GPC6: variants seen among roughly 807,000 people sequenced by gnomAD.
The protein encoded by GPC6 is glypican 6.
A neutral mutation model predicts 55.2 loss-of-function variants in GPC6; 14 were observed. The observed-to-expected ratio is 0.25, with a 90% confidence interval of 0.17 to 0.40. GPC6 has a LOEUF of 0.40. GPC6 is among the 10% of genes least tolerant of loss of function. The pLI is 1.00. For missense variants in GPC6, 641 were observed against 708.5 expected, an observed-to-expected ratio of 0.90 and a Z score of 1.08; for synonymous variants, 278 against 259.6, an observed-to-expected ratio of 1.07 and a Z score of -0.68.
intron 2 of GPC6, among the ~76,000 whole-genome samples, chr13:93,765,306 C>A (rs1885090508): frequency 6.8e-6 from 1 of 147,430 alleles, no homozygotes; most frequent in African/African-American, 2.5e-5. Context: ...GGAAAGACAA[C>A]TTATTTGGTT....
chr13:93,370,113 A>G (rs1255301390), intron 1 of GPC6, among the ~76,000 whole-genome samples: 1 of 152,238 alleles, frequency 6.6e-6, no homozygotes, highest in East Asian at 1.9e-4. Flanking sequence ...GACCGAGTAC[A>G]ATGCTGCATT....
chr13:93,877,752 A>C (rs1277073219), intron 3 of GPC6, among the ~76,000 whole-genome samples: 1 of 152,114 alleles, frequency 6.6e-6, no homozygotes, highest in Non-Finnish European at 1.5e-5. Context: ...CTTTGTTAGA[A>C]GAGTTGTAAA....
chr13:93,536,013 G>C (rs1438894269), intron 1 of GPC6, among the ~76,000 whole-genome samples: 1 of 152,102 alleles, frequency 6.6e-6, no homozygotes, highest in African/African-American at 2.4e-5. Flanking sequence ...GGCTGACACA[G>C]TGATCTTCCA....
At chr13:94,195,988 G>C (rs1024955993) in intron 4 of GPC6, among the ~76,000 whole-genome samples, 2 of 152,230 alleles carry the variant, frequency 1.3e-5, no homozygotes, top group African/African-American at 2.4e-5. Flanking sequence ...TTTGCTCAGT[G>C]TGCTGGGAGC....
chr13:93,676,156 TATATATATATATACATACAC>T (rs1426817036), intron 2 of GPC6, among the ~76,000 whole-genome samples: 1,192 of 16,840 alleles, frequency 0.071, 53 homozygotes, highest in Middle Eastern at 0.25. Context: ...TATATATATA[TATATATATATATACATACAC>T]ACACACACAC....
intron 4 of GPC6, among the ~76,000 whole-genome samples, chr13:94,124,341 G>A (rs1467628944): frequency 6.6e-6 from 1 of 151,988 alleles, no homozygotes; most frequent in Admixed American, 6.6e-5. Flanking sequence ...TTCAACAAAT[G>A]TTTCCAAAAA....
chr13:93,336,459 A>G (rs891509954), intron 1 of GPC6, among the ~76,000 whole-genome samples: 2 of 152,154 alleles, frequency 1.3e-5, no homozygotes, highest in Admixed American at 1.3e-4. Context: ...TAATTAAAAG[A>G]AGTGATTATT....
At chr13:94,099,825 G>A (rs1885793107) in intron 4 of GPC6, among the ~76,000 whole-genome samples, 1 of 152,174 alleles carries the variant, frequency 6.6e-6, no homozygotes, top group South Asian at 2.1e-4. Context: ...TATGTTTAAT[G>A]TTGGCAAGAA....
intron 4 of GPC6, among the ~76,000 whole-genome samples, chr13:94,070,494 T>C (rs574683158): frequency 6.6e-6 from 1 of 152,324 alleles, no homozygotes; most frequent in Non-Finnish European, 1.5e-5. Context: ...ATTAAAATAT[T>C]GATTGTAATT....
chr13:93,412,447 G>A (rs1460069492), intron 1 of GPC6, among the ~76,000 whole-genome samples: 2 of 152,142 alleles, frequency 1.3e-5, no homozygotes, highest in Non-Finnish European at 2.9e-5. Flanking sequence ...CCTGAGGTCA[G>A]GGGTTCGAGA....
intron 1 of GPC6, among the ~76,000 whole-genome samples, chr13:93,390,127 G>A (rs186234538): frequency 2.4e-4 from 37 of 152,020 alleles, no homozygotes; most frequent in African/African-American, 6.7e-4. Flanking sequence ...AAAATAGACC[G>A]AATTTGCTTA....
At chr13:94,050,425 G>A (rs954287815) in intron 4 of GPC6, among the ~76,000 whole-genome samples, 4 of 152,074 alleles carry the variant, frequency 2.6e-5, no homozygotes, top group African/African-American at 9.7e-5. Context: ...ACTAATAGTA[G>A]CAGTACTGTC....
At chr13:93,305,918 AG>A (rs1566290067) in intron 1 of GPC6, among the ~76,000 whole-genome samples, 3 of 152,228 alleles carry the variant, frequency 2.0e-5, no homozygotes, top group African/African-American at 7.2e-5. Context: ...GAACTATATT[AG>A]AAAATAAAAT....
intron 1 of GPC6, among the ~76,000 whole-genome samples, chr13:93,287,344 T>A (rs1395269842): frequency 6.6e-6 from 1 of 152,140 alleles, no homozygotes; most frequent in South Asian, 2.1e-4. Flanking sequence ...GCCAATGACA[T>A]AGAGGCAGGG....
chr13:93,882,791 C>T (rs1854731), intron 3 of GPC6, among the ~76,000 whole-genome samples: 89,866 of 151,438 alleles, frequency 0.59, 27,342 homozygotes, highest in East Asian at 0.8. Flanking sequence ...TTTGGCTAAA[C>T]TGGCATGTAA....
At chr13:93,781,834 CA>C (rs1022641618) in intron 2 of GPC6, among the ~76,000 whole-genome samples, 1 of 151,916 alleles carries the variant, frequency 6.6e-6, no homozygotes. Flanking sequence ...TTTTAATTGA[CA>C]AAAATTATAT....
intron 1 of GPC6, among the ~76,000 whole-genome samples, chr13:93,349,091 G>T (rs1880530644): frequency 6.6e-6 from 1 of 152,124 alleles, no homozygotes; most frequent in African/African-American, 2.4e-5. Flanking sequence ...TATATTCTGG[G>T]TATCAACATA....
In GPC6 at chr13:93,739,952, C is replaced by T. The variant is rs552514794; in HGVS notation, c.320-90202C>T. ...GAAAAAATAAAATGAGGAAAGAGAT[C>T]GAGAGAAGGGTTTTCATTGTATGGG... On this transcript the variant is annotated intron_variant, in intron 2 of 8. Coordinates refer to ENST00000377047, the MANE Select transcript of GPC6 (RefSeq NM_005708.5). 6.4e-4 allele frequency among the ~76,000 whole-genome samples: 98 copies of T among 152,062 alleles called. No homozygotes were observed. In the South Asian group the frequency reaches 0.019, roughly 30 times the overall value.
At chr13:94,082,658 A>G (rs538429831) in intron 4 of GPC6, among the ~76,000 whole-genome samples, 1 of 152,162 alleles carries the variant, frequency 6.6e-6, no homozygotes, top group South Asian at 2.1e-4. Flanking sequence ...GCCCTACTAC[A>G]TGCCTTTTCT....
Sources: allele counts gnomAD v4.1 joint callset (sites outside exome capture counted in the v4.1 genomes callset), GRCh38; gene constraint gnomAD v4.1.1; transcripts MANE v1.5; gene names NCBI Gene and HGNC (gene_info 2026-07-23, HGNC 2026-07-21).